The following ERLEC1 variants were observed in gnomAD, a reference collection of about 807,000 sequenced individuals.
ERLEC1 encodes ER lectin.
A neutral mutation model predicts 68.0 loss-of-function variants in ERLEC1; 47 were observed. That is an observed-to-expected ratio of 0.69 (90% CI 0.55 to 0.88). The LOEUF (loss-of-function observed/expected upper bound fraction) is 0.88. ERLEC1 is among the 40% of genes least tolerant of loss of function. ERLEC1 has a pLI of 0.00. For synonymous variants in ERLEC1, 225 were observed against 203.2 expected, an observed-to-expected ratio of 1.11 and a Z score of -0.91; for missense variants, 567 against 583.8, an observed-to-expected ratio of 0.97 and a Z score of 0.30.
intron 8 of ERLEC1, among the ~76,000 whole-genome samples, chr2:53,804,276 A>T (rs928014808): frequency 6.6e-6 from 1 of 152,096 alleles, no homozygotes; most frequent in African/African-American, 2.4e-5. Context: ...TTTTTGAGAC[A>T]GAGTTTCACT....
At chr2:53,788,832 CT>C (rs1675223710) in intron 1 of ERLEC1, 1 of 152,102 alleles carries the variant, frequency 6.6e-6, no homozygotes. Context: ...GAAGAGAATA[CT>C]TTAATACCTG....
intron 1 of ERLEC1, among the ~76,000 whole-genome samples, chr2:53,791,134 C>G (rs531476858): frequency 6.8e-4 from 104 of 152,328 alleles, no homozygotes; most frequent in South Asian, 6.6e-3. Context: ...TTCTCTCATC[C>G]TCTAACCAAC....
intron 13 of ERLEC1, 80 bp downstream of exon 13, chr2:53,815,015 T>TG: frequency 1.2e-6 from 1 of 862,522 alleles, no homozygotes. Context: ...TTTTTTTTTT[T>TG]TGTTTTTTTG....
intron 10 of ERLEC1, among the ~76,000 whole-genome samples, chr2:53,810,688 C>T (rs1366897116): frequency 2.0e-5 from 3 of 152,190 alleles, no homozygotes; most frequent in African/African-American, 7.2e-5. Context: ...GACAGACTGT[C>T]AATTCACCTT....
chr2:53,815,697 C>G (rs144521637), intron 13 of ERLEC1, among the ~76,000 whole-genome samples: 205 of 152,236 alleles, frequency 1.3e-3, no homozygotes, highest in African/African-American at 4.6e-3. Flanking sequence ...AACTCTGACT[C>G]AGTGTAACAC....
At chr2:53,802,087 A>G (rs571498741) in intron 8 of ERLEC1, among the ~76,000 whole-genome samples, 36 of 152,258 alleles carry the variant, frequency 2.4e-4, no homozygotes, top group Non-Finnish European at 3.4e-4. Context: ...CCTACTCATT[A>G]TAATTTAATT....
Position 53,818,254 on chromosome 2 carries a change from A to G in ERLEC1, c.*285A>G. 4.0e-6 allele frequency: 1 copy of G among 252,726 alleles called. No individual in the cohort carries two copies. Among genetic ancestry groups the G allele is most frequent in the Non-Finnish European group, 7.7e-6 (1 of 130,462 alleles). The allele number at this position is 252,726 out of a possible 1,614,324, so 15.7% of individuals were successfully genotyped here. A position where few individuals can be genotyped will look rare whatever the true frequency, so the allele number is the denominator to read the frequency against. On this transcript the variant is annotated 3_prime_UTR_variant, in exon 14 of 14. Transcript: ENST00000185150. ...AAAATAAATCTCATCCAAGCAAGTTAGAGTCCAGCCTAATCAAATGTCATA... is the reference window on the plus strand; with the variant it reads ...AAAATAAATCTCATCCAAGCAAGTTGGAGTCCAGCCTAATCAAATGTCATA...
At chr2:53,809,408 C>A in intron 10 of ERLEC1, 135 bp downstream of exon 10, 1 of 674,254 alleles carries the variant, frequency 1.5e-6, no homozygotes, top group Non-Finnish European at 2.4e-6. Context: ...ATCAAAGTAT[C>A]TCCAAATTTT....
At chr2:53,791,417 A>T (rs1675387061) in intron 1 of ERLEC1, among the ~76,000 whole-genome samples, 1 of 152,188 alleles carries the variant, frequency 6.6e-6, no homozygotes, top group Non-Finnish European at 1.5e-5. Flanking sequence ...TTCAGAATTT[A>T]TTATATTTTG....
At chr2:53,804,331 T>TGGCGCAATCTTGGCTCACTGC (rs557977810) in intron 8 of ERLEC1, among the ~76,000 whole-genome samples, 406 of 152,106 alleles carry the variant, frequency 2.7e-3, no homozygotes, top group African/African-American at 9.1e-3. Context: ...TGGCTCACTG[T>TGGCGCAATCTTGGCTCACTGC]GGCGCAATCT....
At position 53,787,270 on chromosome 2, in the gene ERLEC1, C is replaced by A. The variant is rs201111470; in HGVS notation, c.60C>A (p.Val20=). 1.9e-6 allele frequency: 3 copies of A among 1,608,406 alleles called. No homozygotes were observed. Among genetic ancestry groups the A allele is most frequent in the South Asian group, 1.1e-5 (1 of 91,068 alleles). Residue 20 remains valine (V), a synonymous_variant, in exon 1 of 14, where the codon GTC becomes GTA. Coordinates refer to ENST00000185150, the MANE Select transcript of ERLEC1 (RefSeq NM_015701.5). ...SLVPGGPVLL[V]LCGLLEASGG... ...TCCCGGGCGGGCCGGTGTTACTGGTCCTCTGCGGCCTCCTGGAGGCGTCCG... is the reference window on the plus strand; with the variant it reads ...TCCCGGGCGGGCCGGTGTTACTGGTACTCTGCGGCCTCCTGGAGGCGTCCG...
In ERLEC1 at chr2:53,787,214, G is replaced by C. The variant is rs1035140174; in HGVS notation, c.4G>C (p.Glu2Gln). The change falls in exon 1 of 14, where the codon GAG (glutamate) becomes CAG (glutamine). Residue 2 changes from glutamate to glutamine, a missense_variant. Glu to Gln is a conservative substitution (Grantham distance 29). Coordinates refer to ENST00000185150, the MANE Select transcript of ERLEC1 (RefSeq NM_015701.5). ...CTGGAGAAAGCGGCGGCGGAGGATG[G>C]AGGAAGGAGGCGGCGGCGTACGGAG... is the stretch of plus-strand genomic sequence containing the variant. Reference protein sequence around the residue: MEEGGGGVRSLV... With the variant: MQEGGGGVRSLV... 1.9e-6 allele frequency: 3 copies of C among 1,601,256 alleles called. No homozygotes were observed. The highest frequency in any genetic ancestry group is 2.5e-6 in the Non-Finnish European group (3 of 1,177,330).
intron 8 of ERLEC1, among the ~76,000 whole-genome samples, chr2:53,807,772 C>T (rs575694759): frequency 1.3e-5 from 2 of 151,868 alleles, no homozygotes; most frequent in South Asian, 2.1e-4. Context: ...TTTGGGAGTC[C>T]GAGGTGGGTA....
At chr2:53,801,678 G>C (rs765012132) in intron 7 of ERLEC1, 35 bp from the exon 8 acceptor site, 30 of 1,613,578 alleles carry the variant, frequency 1.9e-5, no homozygotes, top group Non-Finnish European at 2.5e-5. Context: ...AAAGTGTTCT[G>C]TGCATAGCTT....
At chr2:53,807,456 A>C (rs1676355509) in intron 8 of ERLEC1, among the ~76,000 whole-genome samples, 1 of 151,618 alleles carries the variant, frequency 6.6e-6, no homozygotes, top group African/African-American at 2.4e-5. Context: ...CCCAAGCTGG[A>C]GTGTAGTGGC....
rs577755467 is a variant in ERLEC1 at position 53,797,608 on chromosome 2, A to C, written c.426+16A>C. 3.8e-6 allele frequency: 6 copies of C among 1,599,866 alleles called. No individual in the cohort carries two copies. Among genetic ancestry groups the C allele is most frequent in the African/African-American group, 1.3e-5 (1 of 74,318 alleles). On this transcript the variant is annotated intron_variant, in intron 4 of 13. Transcript: ENST00000185150. ...AACTGGTCAGGTGTGTTTTTCTTCA[A>C]AATATTATTATGAAACATTATAAGA...
chr2:53,804,821 C>A (rs1676195130), intron 8 of ERLEC1, among the ~76,000 whole-genome samples: 1 of 151,950 alleles, frequency 6.6e-6, no homozygotes, highest in African/African-American at 2.4e-5. Context: ...CCCTTCCCAG[C>A]CTATAGTAAC....
chr2:53,808,718 G>C (rs1676432446), intron 9 of ERLEC1, among the ~76,000 whole-genome samples: 1 of 152,114 alleles, frequency 6.6e-6, no homozygotes, highest in South Asian at 2.1e-4. Flanking sequence ...CTGGTTGATT[G>C]CTAGAATGAG....
intron 8 of ERLEC1, among the ~76,000 whole-genome samples, chr2:53,806,580 A>G (rs1676305825): frequency 6.6e-6 from 1 of 152,204 alleles, no homozygotes; most frequent in South Asian, 2.1e-4. Context: ...GAGACTTTTC[A>G]AAAAATAAGA....
Sources: allele counts gnomAD v4.1 joint callset (sites outside exome capture counted in the v4.1 genomes callset), GRCh38; gene constraint gnomAD v4.1.1; transcripts MANE v1.5; gene names NCBI Gene and HGNC (gene_info 2026-07-23, HGNC 2026-07-21).